Variants in TXNDC15 observed in about 807,000 individuals in gnomAD.
The protein encoded by TXNDC15 is thioredoxin domain containing 15.
A neutral mutation model predicts 35.0 loss-of-function variants in TXNDC15; 24 were observed. The ratio of observed to expected loss-of-function variants is 0.68; its 90% CI spans 0.50 to 0.96. TXNDC15 has a LOEUF of 0.96. Among genes scored for constraint, TXNDC15 ranks in the 40% least tolerant of loss-of-function variants. The pLI is 0.00. For missense variants in TXNDC15, 385 were observed against 453.3 expected (o/e 0.85, Z 1.37); for synonymous variants, 169 against 174.0 (o/e 0.97, Z 0.23).
chr5:134,885,142 A>C (rs1373666177), intron 1 of TXNDC15, among the ~76,000 whole-genome samples: 3 of 152,022 alleles, frequency 2.0e-5, no homozygotes, highest in African/African-American at 7.2e-5. Context: ...GGCTGGTCTC[A>C]AACTTCTGAC....
intron 1 of TXNDC15, among the ~76,000 whole-genome samples, chr5:134,882,683 T>C (rs887229896): frequency 6.6e-6 from 1 of 151,656 alleles, no homozygotes; most frequent in Non-Finnish European, 1.5e-5. Context: ...ACCCAAAAAA[T>C]ACGAAAACCA....
intron 2 of TXNDC15, among the ~76,000 whole-genome samples, chr5:134,888,777 C>A (rs541377875): frequency 1.3e-5 from 2 of 152,190 alleles, no homozygotes; most frequent in South Asian, 4.2e-4. Context: ...CCACCGTGCC[C>A]GGCCATTTTT....
In TXNDC15 at chr5:134,874,470, C is replaced by A; in HGVS notation, c.43C>A (p.Leu15Ile). Residue 15 changes from leucine to isoleucine, a missense_variant, in exon 1 of 5, where the codon CTC becomes ATC. By Grantham distance (5) the Leu-to-Ile change is conservative. Transcript: ENST00000358387. ...AGRRPPRVMR[L>I]LGWWQVLLWV... Reference sequence around the variant, plus strand: ...TCGACGACCGCCCCGCGTCATGCGGCTCCTCGGCTGGTGGCAAGTATTGCT... The same window carrying A: ...TCGACGACCGCCCCGCGTCATGCGGATCCTCGGCTGGTGGCAAGTATTGCT... 1 of 1,606,128 alleles carries A rather than the reference C, an allele frequency of 6.2e-7. No individual in the cohort carries two copies. The highest frequency in any genetic ancestry group is 8.5e-7 in the Non-Finnish European group (1 of 1,177,988).
In TXNDC15 at chr5:134,896,438, A is replaced by G; in HGVS notation, c.886+14A>G. The G allele has an allele frequency of 1.9e-6, 3 of 1,612,826 alleles. No individual in the cohort carries two copies. Among genetic ancestry groups the G allele is most frequent in the Non-Finnish European group, 1.7e-6 (2 of 1,179,492 alleles). On this transcript the variant is annotated intron_variant, in intron 4 of 4. Coordinates refer to ENST00000358387, the MANE Select transcript of TXNDC15 (RefSeq NM_024715.4). ...TTAATCAGACAGGTATGTGGAAGTA[A>G]TGTGCTGAGGAAGAAGATATTCTAT...
At chr5:134,873,797 G>C (rs1403088695), upstream of TXNDC15, 1 of 152,246 alleles carries the variant, frequency 6.6e-6, no homozygotes, top group East Asian at 1.9e-4. Flanking sequence ...CCTGCCCTGA[G>C]TGGATAGGTA....
chr5:134,884,252 T>C (rs970631807), intron 1 of TXNDC15, among the ~76,000 whole-genome samples: 10 of 145,108 alleles, frequency 6.9e-5, no homozygotes, highest in Non-Finnish European at 1.5e-4. Flanking sequence ...CAATTTGATC[T>C]TTTTTTTTTT....
rs149940297 is a variant in TXNDC15 at position 134,899,645 on chromosome 5, G to A, written c.1043G>A (p.Arg348Gln). The change falls in exon 5 of 5, where the codon CGG becomes CAG. Residue 348 changes from arginine (R) to glutamine (Q), a missense_variant. Transcript: ENST00000358387. ...MYATIRTESI[R>Q]WLIPGQEQEH... ...GCTACCATTCGAACTGAGAGTATTC[G>A]GTGGCTAATTCCAGGACAAGAGCAG... 64 of 1,612,174 alleles carry A rather than the reference G, an allele frequency of 4.0e-5. No homozygotes were observed. The African/African-American group carries it at 4.7e-4, about 12-fold the overall frequency.
Position 134,901,496 on chromosome 5 carries a change from A to C in TXNDC15, c.*1811A>C, listed in dbSNP as rs1369890737. On this transcript the variant is annotated 3_prime_UTR_variant, in exon 5 of 5. Coordinates refer to ENST00000358387, the MANE Select transcript of TXNDC15 (RefSeq NM_024715.4). ...TCTTCACATGTGTGTACTTATAAAT[A>C]CAAATGTAAGGAAAACTCTAGTGAG... 3 of 152,276 alleles carry C rather than the reference A, an allele frequency of 2.0e-5. No homozygotes were observed. The highest frequency in any genetic ancestry group is 2.9e-5 in the Non-Finnish European group (2 of 68,046). The allele number at this position is 152,276 out of a possible 1,614,324, so 9.4% of individuals were successfully genotyped here.
chr5:134,877,395 GGAGTGACATGATCAGA>G (rs1199862985), intron 1 of TXNDC15, among the ~76,000 whole-genome samples: 2 of 152,140 alleles, frequency 1.3e-5, no homozygotes, highest in African/African-American at 4.8e-5. Flanking sequence ...TTTTAGCAGG[GGAGTGACATGATCAGA>G]TATGCCTTTT....
intron 4 of TXNDC15, among the ~76,000 whole-genome samples, chr5:134,898,673 A>G (rs1442963292): frequency 2.0e-5 from 3 of 152,218 alleles, no homozygotes; most frequent in Non-Finnish European, 2.9e-5. Context: ...CATTTTATTC[A>G]GTGCTCTAAG....
chr5:134,880,086 C>T (rs528715896), intron 1 of TXNDC15, among the ~76,000 whole-genome samples: 2 of 152,116 alleles, frequency 1.3e-5, no homozygotes, highest in African/African-American at 4.8e-5. Flanking sequence ...GTGAGCCACG[C>T]GCCCAGCCCC....
rs779577955 is a variant in TXNDC15, at chr5:134,888,012, C to A, written c.421C>A (p.Pro141Thr). 6 of 1,614,158 alleles carry A rather than the reference C, an allele frequency of 3.7e-6. No homozygotes were observed. The highest frequency in any genetic ancestry group is 1.3e-5 in the African/African-American group (1 of 75,036). Residue 141 changes from proline (P) to threonine (T), a missense_variant, in exon 2 of 5, where the codon CCT (proline) becomes ACT (threonine). By Grantham distance (38) the Pro-to-Thr change is conservative. Transcript: ENST00000358387. ...TCTGGATGGCGCTGGAGCACACTTC[C>A]CTGACAGAGAAGAGGAGTATTACAC... ...FSLDGAGAHF[P>T]DREEEYYTEP...
intron 4 of TXNDC15, among the ~76,000 whole-genome samples, chr5:134,898,436 T>C (rs1017518675): frequency 6.6e-6 from 1 of 152,228 alleles, no homozygotes; most frequent in Non-Finnish European, 1.5e-5. Flanking sequence ...ACTGTCTCAA[T>C]TGTGAGCATC....
chr5:134,885,327 T>C (rs1580862281), intron 1 of TXNDC15, among the ~76,000 whole-genome samples: 1 of 152,228 alleles, frequency 6.6e-6, no homozygotes, highest in Non-Finnish European at 1.5e-5. Context: ...TTATTTTCTT[T>C]AGGGTTAATA....
intron 2 of TXNDC15, among the ~76,000 whole-genome samples, chr5:134,891,731 C>A (rs747634303): frequency 7.2e-5 from 11 of 152,090 alleles, no homozygotes; most frequent in Non-Finnish European, 1.6e-4. Context: ...TCCAGACCAG[C>A]CTGGGGAACA....
chr5:134,896,525 A>G (rs1287285989), intron 4 of TXNDC15, 101 bp downstream of exon 4: 9 of 1,460,974 alleles, frequency 6.2e-6, no homozygotes, highest in African/African-American at 2.9e-5. Flanking sequence ...GAAGGATTCA[A>G]GACTGACTTT....
chr5:134,893,740 C>A, intron 3 of TXNDC15, 85 bp downstream of exon 3: 1 of 1,545,700 alleles, frequency 6.5e-7, no homozygotes, highest in South Asian at 1.1e-5. Context: ...AAGTTAGAAG[C>A]AGAAGAGGGG....
At chr5:134,887,542 C>G (rs1580863440) in intron 1 of TXNDC15, among the ~76,000 whole-genome samples, 153 bp from the exon 2 acceptor site, 1 of 152,290 alleles carries the variant, frequency 6.6e-6, no homozygotes, top group South Asian at 2.1e-4. Flanking sequence ...TCTTCCTAAC[C>G]TGGGAAATGG....
intron 1 of TXNDC15, among the ~76,000 whole-genome samples, chr5:134,882,121 T>A (rs1750163325): frequency 6.9e-6 from 1 of 145,842 alleles, no homozygotes; most frequent in South Asian, 2.2e-4. Flanking sequence ...GTCTCCTCAC[T>A]TCTCAGACGG....
Sources: gnomAD v4.1 joint callset for allele counts (sites outside exome capture counted in the v4.1 genomes callset) on GRCh38, gnomAD v4.1.1 for gene constraint, MANE v1.5 for transcripts, NCBI Gene and HGNC (gene_info 2026-07-23, HGNC 2026-07-21) for gene names.